PLSCR2: variants seen among roughly 807,000 people sequenced by gnomAD.
PLSCR2 encodes the protein PL scramblase 2.
PLSCR2 carries 18 observed loss-of-function variants against 25.3 expected under a neutral mutation model. The observed-to-expected ratio is 0.71, with a 90% confidence interval of 0.49 to 1.06. PLSCR2 has a LOEUF of 1.06. Among genes scored for constraint, PLSCR2 ranks in the 50% least tolerant of loss-of-function variants. The probability of loss-of-function intolerance (pLI) is 0.00; values close to 1 mark genes in which losing one functional copy is unlikely to be tolerated. For missense variants in PLSCR2, 243 were observed against 269.5 expected, an observed-to-expected ratio of 0.90 and a Z score of 0.69; for synonymous variants, 88 against 87.3, an observed-to-expected ratio of 1.01 and a Z score of -0.04.
intron 1 of PLSCR2, among the ~76,000 whole-genome samples, chr3:146,478,955 A>G (rs937853413): frequency 6.6e-6 from 1 of 152,234 alleles, no homozygotes; most frequent in African/African-American, 2.4e-5. Context: ...TTCTTAAAGT[A>G]AAGAATTTTC....
chr3:146,475,725 A>G (rs763113086), intron 1 of PLSCR2, among the ~76,000 whole-genome samples: 17 of 152,310 alleles, frequency 1.1e-4, no homozygotes, highest in Admixed American at 7.2e-4. Flanking sequence ...AGCCTTTTCC[A>G]AAAGGTCCTT....
chr3:146,403,753 AC>A (rs2038557931), intron 2 of PLSCR2, among the ~76,000 whole-genome samples: 1 of 152,132 alleles, frequency 6.6e-6, no homozygotes, highest in South Asian at 2.1e-4. Context: ...TTTATTTCTC[AC>A]AGTTCTAGAG....
intron 1 of PLSCR2, among the ~76,000 whole-genome samples, chr3:146,479,646 A>G (rs1008653082): frequency 2.0e-5 from 3 of 152,186 alleles, no homozygotes; most frequent in African/African-American, 7.2e-5. Context: ...GGGAGACTTC[A>G]ACACTCCACT....
chr3:146,475,441 T>C (rs2108509973), intron 1 of PLSCR2, among the ~76,000 whole-genome samples: 1 of 152,258 alleles, frequency 6.6e-6, no homozygotes, highest in East Asian at 1.9e-4. Flanking sequence ...CTATTCATCT[T>C]ACATTCCTAC....
chr3:146,400,531 CAATATT>C (rs1048185160), intron 2 of PLSCR2, among the ~76,000 whole-genome samples: 1 of 150,784 alleles, frequency 6.6e-6, no homozygotes, highest in African/African-American at 2.4e-5. Flanking sequence ...GCAGAAGATT[CAATATT>C]AATAAGATAT....
chr3:146,423,237 CTCT>C (rs2039213838), intron 2 of PLSCR2, among the ~76,000 whole-genome samples: 1 of 44,628 alleles, frequency 2.2e-5, no homozygotes, highest in African/African-American at 1.0e-4. Context: ...TGCAGTGCCT[CTCT>C]CTCTCTCTCT....
At chr3:146,441,050 C>G (rs1406540053), downstream of PLSCR2, among the ~76,000 whole-genome samples, 2 of 152,098 alleles carry the variant, frequency 1.3e-5, no homozygotes, top group Non-Finnish European at 2.9e-5. Context: ...TAGACTCACA[C>G]AGTCATGTCT....
At chr3:146,455,522 T>C (rs1054194063) in intron 3 of PLSCR2, 63 bp from the exon 4 acceptor site, 28 of 946,704 alleles carry the variant, frequency 3.0e-5, no homozygotes, top group Non-Finnish European at 4.5e-5. Context: ...CTTAAGATAT[T>C]ATATCTAGCT....
chr3:146,489,068 A>G (rs947836114), intron 1 of PLSCR2, among the ~76,000 whole-genome samples: 10 of 152,290 alleles, frequency 6.6e-5, no homozygotes, highest in Admixed American at 6.5e-4. Flanking sequence ...ACACAGGAGC[A>G]GAAAACCTAA....
chr3:146,397,295 A>T (rs2038308884), intron 2 of PLSCR2, among the ~76,000 whole-genome samples: 1 of 152,102 alleles, frequency 6.6e-6, no homozygotes, highest in Admixed American at 6.6e-5. Context: ...TGTATTTCAT[A>T]ATAAAAATTT....
intron 6 of PLSCR2, among the ~76,000 whole-genome samples, chr3:146,443,766 G>C (rs953480859): frequency 6.6e-6 from 1 of 150,956 alleles, no homozygotes; most frequent in African/African-American, 2.4e-5. Context: ...ATTTATTTTT[G>C]CTCTGAACTT....
chr3:146,428,646 T>A (rs1247767027), downstream of PLSCR2, among the ~76,000 whole-genome samples: 2 of 152,184 alleles, frequency 1.3e-5, no homozygotes, highest in Non-Finnish European at 2.9e-5. Context: ...GGTTTTAGGG[T>A]ATGAGATTTT....
chr3:146,398,032 TCAAA>T (rs148299144), intron 2 of PLSCR2, among the ~76,000 whole-genome samples: 356 of 152,128 alleles, frequency 2.3e-3, no homozygotes, highest in African/African-American at 8.3e-3. Context: ...TTTTAGATAT[TCAAA>T]CAAACAAACA....
At chr3:146,450,694 A>G (rs2040837221) in intron 5 of PLSCR2, among the ~76,000 whole-genome samples, 1 of 152,256 alleles carries the variant, frequency 6.6e-6, no homozygotes, top group South Asian at 2.1e-4. Flanking sequence ...ATTTGAGACT[A>G]TTAATGAGAA....
At chr3:146,469,433 TC>T in intron 1 of PLSCR2, 61 bp downstream of exon 1, 1 of 912,690 alleles carries the variant, frequency 1.1e-6, no homozygotes, top group Non-Finnish European at 1.3e-6. Context: ...CGGAGCATCG[TC>T]CCCACTAGCC....
At chr3:146,406,533 A>AGGAGAGGAGTAGGAAGGC (rs1254778472) in intron 2 of PLSCR2, among the ~76,000 whole-genome samples, 2 of 152,120 alleles carry the variant, frequency 1.3e-5, no homozygotes, top group Non-Finnish European at 2.9e-5. Context: ...GAAAGAGGTG[A>AGGAGAGGAGTAGGAAGGC]GGAGAGGAGT....
chr3:146,453,769 G>C (rs776136980), intron 5 of PLSCR2, among the ~76,000 whole-genome samples: 1 of 152,160 alleles, frequency 6.6e-6, no homozygotes, highest in Admixed American at 6.5e-5. Context: ...TAGATGATTT[G>C]CTTATTTTTA....
intron 2 of PLSCR2, 42 bp downstream of exon 2, chr3:146,459,805 GA>G: frequency 1.5e-6 from 2 of 1,300,782 alleles, no homozygotes; most frequent in Admixed American, 4.0e-5. Context: ...ACCAGAAAGA[GA>G]GTTTTTTTTT....
intron 2 of PLSCR2, among the ~76,000 whole-genome samples, chr3:146,423,160 C>T (rs1484333980): frequency 3.3e-5 from 5 of 150,446 alleles, no homozygotes; most frequent in Admixed American, 1.3e-4. Context: ...TTCTTATGTC[C>T]TTACACTATT....
Sources: gnomAD v4.1 joint callset for allele counts (sites outside exome capture counted in the v4.1 genomes callset) on GRCh38, gnomAD v4.1.1 for gene constraint, MANE v1.5 for transcripts, NCBI Gene and HGNC (gene_info 2026-07-23, HGNC 2026-07-21) for gene names.